The following CENPW variants were observed in gnomAD, a reference collection of about 807,000 sequenced individuals.
The protein encoded by CENPW is cancer-up-regulated gene 2 protein.
CENPW carries 3 observed loss-of-function variants against 11.1 expected under a neutral mutation model. That is an observed-to-expected ratio of 0.27 (90% confidence interval 0.12 to 0.70). The LOEUF (loss-of-function observed/expected upper bound fraction) is 0.70. Among genes scored for constraint, CENPW ranks in the 30% least tolerant of loss-of-function variants. The pLI, the probability that CENPW is intolerant of heterozygous loss-of-function variation, is 0.77. For missense variants in CENPW, 100 were observed against 105.6 expected (o/e 0.95, Z 0.23); for synonymous variants, 38 against 42.0 (o/e 0.91, Z 0.37).
chr6:126,404,441 T>C, the CENPW span, among the ~76,000 whole-genome samples: 9 of 152,094 alleles, frequency 5.9e-5, no homozygotes, highest in African/African-American at 2.2e-4. Flanking sequence ...ATTCCATACC[T>C]GGCTACTGTG....
chr6:126,416,389 GA>G, the CENPW span, among the ~76,000 whole-genome samples: 1 of 152,166 alleles, frequency 6.6e-6, no homozygotes, highest in Admixed American at 6.5e-5. Flanking sequence ...TGATAGAAAA[GA>G]AAATCCCATT....
chr6:126,350,674 G>A (rs560480463), downstream of CENPW, among the ~76,000 whole-genome samples: 3 of 152,178 alleles, frequency 2.0e-5, no homozygotes, highest in South Asian at 6.2e-4. Context: ...AGATATAAGG[G>A]AAAGAATACC....
At chr6:126,378,779 T>G in the CENPW span, among the ~76,000 whole-genome samples, 10 of 152,300 alleles carry the variant, frequency 6.6e-5, no homozygotes, top group African/African-American at 2.4e-4. Flanking sequence ...TTGAAAATAT[T>G]TCTAATTCCA....
the CENPW span, among the ~76,000 whole-genome samples, chr6:126,466,461 G>C: frequency 1.3e-5 from 2 of 152,096 alleles, no homozygotes; most frequent in Non-Finnish European, 2.9e-5. Flanking sequence ...GTGGAGACCA[G>C]ATTTCTCATT....
chr6:126,371,688 C>G, the CENPW span, among the ~76,000 whole-genome samples: 7 of 152,196 alleles, frequency 4.6e-5, no homozygotes, highest in South Asian at 2.1e-4. Context: ...TGATAGAATT[C>G]AGCTGTGAAT....
the CENPW span, among the ~76,000 whole-genome samples, chr6:126,385,695 T>C: frequency 5.9e-5 from 9 of 152,046 alleles, no homozygotes; most frequent in Non-Finnish European, 4.4e-5. Flanking sequence ...TGAGTTCTTA[T>C]GAGATCTGAC....
intron 1 of CENPW, among the ~76,000 whole-genome samples, chr6:126,341,858 C>G (rs1250689251): frequency 2.0e-5 from 3 of 152,232 alleles, no homozygotes; most frequent in African/African-American, 7.2e-5. Flanking sequence ...ACATCTACCC[C>G]TTTCTTCCTC....
chr6:126,372,159 C>T, the CENPW span, among the ~76,000 whole-genome samples: 1 of 151,510 alleles, frequency 6.6e-6, no homozygotes, highest in Non-Finnish European at 1.5e-5. Flanking sequence ...TTCTCTAGTT[C>T]CTTGAGATGT....
At chr6:126,419,677 TTA>T in the CENPW span, among the ~76,000 whole-genome samples, 69,282 of 151,954 alleles carry the variant, frequency 0.46, 17,479 homozygotes, top group East Asian at 0.97. Context: ...AATCAAAGTG[TTA>T]TAGCTGGGCT....
At chr6:126,435,025 C>G in the CENPW span, among the ~76,000 whole-genome samples, 1 of 151,962 alleles carries the variant, frequency 6.6e-6, no homozygotes, top group Non-Finnish European at 1.5e-5. Context: ...TATGGCCCCT[C>G]CTGCTAAGGT....
At chr6:126,393,165 T>C in the CENPW span, among the ~76,000 whole-genome samples, 12 of 152,070 alleles carry the variant, frequency 7.9e-5, no homozygotes, top group South Asian at 2.5e-3. Flanking sequence ...TGGTTTTATT[T>C]ATTTGGACCT....
At chr6:126,423,855 T>C in the CENPW span, among the ~76,000 whole-genome samples, 16 of 151,782 alleles carry the variant, frequency 1.1e-4, no homozygotes, top group Non-Finnish European at 8.8e-5. Context: ...TAAATTATTA[T>C]TATACTTTAA....
the CENPW span, among the ~76,000 whole-genome samples, chr6:126,413,578 G>A: frequency 6.6e-6 from 1 of 152,088 alleles, no homozygotes; most frequent in Non-Finnish European, 1.5e-5. Flanking sequence ...TACAAGAAGT[G>A]TTCAAAGTAG....
chr6:126,344,032 A>G (rs1268983030), intron 1 of CENPW, among the ~76,000 whole-genome samples: 1 of 152,198 alleles, frequency 6.6e-6, no homozygotes, highest in East Asian at 1.9e-4. Flanking sequence ...ATTTAAAAAA[A>G]AATTTTTTTG....
chr6:126,455,985 T>C, the CENPW span, among the ~76,000 whole-genome samples: 1 of 150,416 alleles, frequency 6.6e-6, no homozygotes, highest in African/African-American at 2.4e-5. Context: ...CCACAAAAAT[T>C]AGGAATATAT....
At chr6:126,352,404 A>G (rs1452517493), downstream of CENPW, among the ~76,000 whole-genome samples, 2 of 152,140 alleles carry the variant, frequency 1.3e-5, no homozygotes, top group Non-Finnish European at 2.9e-5. Context: ...TATTTATATT[A>G]GCTACACTGA....
At chr6:126,448,277 C>G in the CENPW span, among the ~76,000 whole-genome samples, 2 of 151,118 alleles carry the variant, frequency 1.3e-5, no homozygotes, top group Non-Finnish European at 3.0e-5. Flanking sequence ...GCTTAACTTA[C>G]TGATTGTGAG....
At chr6:126,357,576 G>A in the CENPW span, among the ~76,000 whole-genome samples, 2 of 151,234 alleles carry the variant, frequency 1.3e-5, no homozygotes, top group Non-Finnish European at 3.0e-5. Context: ...TATTTGTGTT[G>A]TCTCTGATTT....
chr6:126,377,930 C>A, the CENPW span, among the ~76,000 whole-genome samples: 6 of 152,150 alleles, frequency 3.9e-5, no homozygotes, highest in African/African-American at 1.4e-4. Context: ...CCATAATACT[C>A]AGAACATATT....
Sources: allele counts gnomAD v4.1 joint callset (sites outside exome capture counted in the v4.1 genomes callset), GRCh38; gene constraint gnomAD v4.1.1; transcripts MANE v1.5; gene names NCBI Gene and HGNC (gene_info 2026-07-23, HGNC 2026-07-21).